The following SLC37A1 variants were observed in gnomAD, a reference collection of about 807,000 sequenced individuals.
SLC37A1 encodes solute carrier family 37 member 1, also known as glucose-6-phosphate exchanger SLC37A1.
In SLC37A1, 49 loss-of-function variants were observed where a neutral mutation model predicts 75.3. The ratio of observed to expected loss-of-function variants is 0.65; its 90% CI spans 0.52 to 0.83. The LOEUF (loss-of-function observed/expected upper bound fraction) is 0.83. SLC37A1 is among the 40% of genes least tolerant of loss of function. SLC37A1 has a pLI of 0.00. For missense variants in SLC37A1, 566 were observed against 695.0 expected (o/e 0.81, Z 2.09); for synonymous variants, 268 against 292.1 (o/e 0.92, Z 0.84).
chr21:42,508,401 T>G (rs957463695), intron 2 of SLC37A1, among the ~76,000 whole-genome samples: 11 of 152,184 alleles, frequency 7.2e-5, no homozygotes, highest in Non-Finnish European at 1.5e-4. Context: ...AGTGCTGGGA[T>G]TACAGGCATG....
At chr21:42,525,163 T>C (rs2054751354) in intron 2 of SLC37A1, among the ~76,000 whole-genome samples, 1 of 152,248 alleles carries the variant, frequency 6.6e-6, no homozygotes, top group Non-Finnish European at 1.5e-5. Flanking sequence ...TACCTCGCCC[T>C]GTGCATCTCT....
At chr21:42,541,239 C>T (rs1383054294) in intron 6 of SLC37A1, among the ~76,000 whole-genome samples, 1 of 152,246 alleles carries the variant, frequency 6.6e-6, no homozygotes, top group Non-Finnish European at 1.5e-5. Context: ...GGCGGCAATG[C>T]TTGCTCTCCC....
At position 42,562,278 on chromosome 21, in the gene SLC37A1, T is replaced by C. The variant is rs995479967; in HGVS notation, c.1072+110T>C. ...GAAAACACAAGGTCATGAAGGGTGA[T>C]TTGAGAGGTACACCTTTGAATAAAG... On this transcript the variant is annotated intron_variant, in intron 12 of 19. Transcript: ENST00000352133. 1.6e-5 allele frequency: 15 copies of C among 926,120 alleles called. No homozygotes were observed. In the African/African-American group the frequency reaches 2.1e-4, roughly 13 times the overall value. 57.4% of individuals were successfully genotyped at this position (926,120 alleles called of 1,614,324 possible).
chr21:42,512,810 AAG>A (rs1215260847), upstream of SLC37A1, among the ~76,000 whole-genome samples: 4 of 152,232 alleles, frequency 2.6e-5, no homozygotes, highest in Non-Finnish European at 5.9e-5. Flanking sequence ...CAGCTCAGCA[AAG>A]AGAGACACAG....
intron 2 of SLC37A1, among the ~76,000 whole-genome samples, chr21:42,508,159 C>G (rs1359318411): frequency 7.6e-6 from 1 of 131,970 alleles, no homozygotes; most frequent in Non-Finnish European, 1.5e-5. Context: ...GGCGGAGTCT[C>G]GCTCTGTTGC....
At chr21:42,530,307 G>A (rs1199366437) in intron 3 of SLC37A1, among the ~76,000 whole-genome samples, 1 of 152,140 alleles carries the variant, frequency 6.6e-6, no homozygotes, top group Non-Finnish European at 1.5e-5. Flanking sequence ...CATGAGTGGA[G>A]CATTTGCGTG....
chr21:42,566,758 C>T (rs983734334), intron 15 of SLC37A1, among the ~76,000 whole-genome samples: 2 of 152,228 alleles, frequency 1.3e-5, no homozygotes, highest in Non-Finnish European at 2.9e-5. Flanking sequence ...AGGGTCCGGC[C>T]TGTGATCGCT....
chr21:42,535,543 T>TACC lies in SLC37A1; in HGVS notation c.344_346dup (p.Tyr115_Leu116insHis). On this transcript the variant is annotated inframe_insertion, in exon 5 of 20. Coordinates refer to ENST00000352133, the MANE Select transcript of SLC37A1 (RefSeq NM_001320537.2). Reference sequence around the variant, plus strand: ...CCTGTGCGCCTATGCCGTGGGGATGTACCTCAGGTAGGTCTCCTTCAGTTT... The same window carrying TACC: ...CCTGTGCGCCTATGCCGTGGGGATGTACCACCTCAGGTAGGTCTCCTTCAGTTT... 1 of 1,614,144 alleles carries TACC rather than the reference T, an allele frequency of 6.2e-7. No homozygotes were observed. Among genetic ancestry groups the TACC allele is most frequent in the Non-Finnish European group, 8.5e-7 (1 of 1,179,952 alleles).
intron 3 of SLC37A1, among the ~76,000 whole-genome samples, chr21:42,529,398 A>G (rs115888120): frequency 0.042 from 6,380 of 152,154 alleles, 440 homozygotes; most frequent in African/African-American, 0.15. Context: ...TACTAAATGT[A>G]CAAAAGTGAG....
intron 2 of SLC37A1, among the ~76,000 whole-genome samples, chr21:42,508,152 G>A (rs904460404): frequency 3.6e-5 from 5 of 140,196 alleles, no homozygotes; most frequent in Admixed American, 1.4e-4. Flanking sequence ...TTTTTGAGGC[G>A]GAGTCTCGCT....
At chr21:42,570,955 G>A (rs377227264) in intron 17 of SLC37A1, among the ~76,000 whole-genome samples, 47 of 152,240 alleles carry the variant, frequency 3.1e-4, no homozygotes, top group African/African-American at 7.7e-4. Flanking sequence ...GACTGTCCGC[G>A]GAGCTGCCGC....
At chr21:42,557,700 C>T (rs1380037896) in intron 10 of SLC37A1, among the ~76,000 whole-genome samples, 1 of 152,242 alleles carries the variant, frequency 6.6e-6, no homozygotes, top group African/African-American at 2.4e-5. Context: ...CACCCGGTTT[C>T]CAAATGTCTG....
chr21:42,535,477 A>G lies in SLC37A1; in HGVS notation c.277A>G (p.Asn93Asp), dbSNP rs768531031. Residue 93 changes from asparagine (N) to aspartate (D), a missense_variant, in exon 5 of 20, where the codon AAC becomes GAC. By Grantham distance (23) the Asn-to-Asp change is conservative. Coordinates refer to ENST00000352133, the MANE Select transcript of SLC37A1 (RefSeq NM_001320537.2). ...TDCGWAPFDK[N>D]NYQQLLGALD... Reference sequence around the variant, plus strand: ...TGGTTTTCAAATTCATATAGATAAGAACAACTATCAGCAGCTGCTTGGGGC... The same window carrying G: ...TGGTTTTCAAATTCATATAGATAAGGACAACTATCAGCAGCTGCTTGGGGC... 6.2e-7 allele frequency: 1 copy of G among 1,613,998 alleles called. No homozygotes were observed. The highest frequency in any genetic ancestry group is 8.5e-7 in the Non-Finnish European group (1 of 1,179,822).
chr21:42,526,196 C>T (rs926786455), intron 3 of SLC37A1, among the ~76,000 whole-genome samples: 5 of 152,222 alleles, frequency 3.3e-5, no homozygotes, highest in Non-Finnish European at 5.9e-5. Context: ...GCTCTTCGTG[C>T]GATCCAACCC....
In SLC37A1 at chr21:42,547,421, A is replaced by G. The variant is rs1459424584; in HGVS notation, c.768+281A>G. 1.8e-5 allele frequency: 7 copies of G among 381,582 alleles called. No individual in the cohort carries two copies. Among genetic ancestry groups the G allele is most frequent in the Non-Finnish European group, 3.3e-5 (7 of 210,406 alleles). 23.6% of individuals were successfully genotyped at this position (381,582 alleles called of 1,614,324 possible). A position where few individuals can be genotyped will look rare whatever the true frequency, so the allele number is the denominator to read the frequency against. On this transcript the variant is annotated intron_variant, in intron 9 of 19. Transcript: ENST00000352133. The surrounding 1 kb of genome is among the most constrained non-coding windows in gnomAD (Gnocchi z 6.1). The stretch of plus-strand genomic sequence containing the variant: ...TGGGCCCTGGCCAGGCCTCCTCAGG[A>G]GTGGAGACCTCCTGGTTTCCCCAGG...
In SLC37A1 at chr21:42,559,013, A is replaced by G; in HGVS notation, c.905A>G (p.Asn302Ser). Residue 302 changes from asparagine to serine, a missense_variant, in exon 11 of 20, where the codon AAC becomes AGC. Transcript: ENST00000352133. Reference sequence around the variant, plus strand: ...GATGGGAAGGGCTCCATCCACCCGAACCACGTCGTCATTCTCCCCGGGGAC... The same window carrying G: ...GATGGGAAGGGCTCCATCCACCCGAGCCACGTCGTCATTCTCCCCGGGGAC... ...LSDGKGSIHP[N>S]HVVILPGDGG... 1 of 1,613,752 alleles carries G rather than the reference A, an allele frequency of 6.2e-7. No individual in the cohort carries two copies. Among genetic ancestry groups the G allele is most frequent in the Non-Finnish European group, 8.5e-7 (1 of 1,179,912 alleles).
intron 5 of SLC37A1, among the ~76,000 whole-genome samples, chr21:42,536,822 G>A (rs990024971): frequency 2.6e-4 from 39 of 152,184 alleles, no homozygotes; most frequent in Non-Finnish European, 5.4e-4. Flanking sequence ...TCATTCCTTC[G>A]TCAAGGCGGA....
At chr21:42,535,812 T>C (rs2055123064) in intron 5 of SLC37A1, among the ~76,000 whole-genome samples, 1 of 152,330 alleles carries the variant, frequency 6.6e-6, no homozygotes, top group East Asian at 1.9e-4. Context: ...CCCTCAGCTT[T>C]CCTGGCCCTG....
chr21:42,562,268 T>C (rs2055849466), intron 12 of SLC37A1, 100 bp downstream of exon 12: 1 of 1,048,600 alleles, frequency 9.5e-7, no homozygotes, highest in Non-Finnish European at 1.5e-6. Context: ...CACAAGGTCA[T>C]GAAGGGTGAT....
Sources: allele counts gnomAD v4.1 joint callset (sites outside exome capture counted in the v4.1 genomes callset), GRCh38; gene constraint gnomAD v4.1.1; non-coding constraint Gnocchi (gnomAD v3.1); transcripts MANE v1.5; gene names NCBI Gene and HGNC (gene_info 2026-07-23, HGNC 2026-07-21).